The following CDH18 variants were observed in gnomAD, a reference collection of about 807,000 sequenced individuals.
CDH18 encodes cadherin-18.
CDH18 carries 31 observed loss-of-function variants against 67.9 expected under a neutral mutation model. The ratio of observed to expected loss-of-function variants is 0.46; its 90% CI spans 0.34 to 0.62. The LOEUF (loss-of-function observed/expected upper bound fraction) is 0.62. Among genes scored for constraint, CDH18 ranks in the 20% least tolerant of loss-of-function variants. The pLI, the probability that CDH18 is intolerant of heterozygous loss-of-function variation, is 0.01. For synonymous variants in CDH18, 362 were observed against 347.2 expected (o/e 1.04, Z -0.48); for missense variants, 890 against 975.5 (o/e 0.91, Z 1.17).
At chr5:20,542,826 A>T (rs1757129143) in intron 1 of CDH18, among the ~76,000 whole-genome samples, 1 of 151,980 alleles carries the variant, frequency 6.6e-6, no homozygotes, top group Admixed American at 6.6e-5. Context: ...ACATTATTGT[A>T]CTAATTCTCC....
chr5:20,524,216 A>G (rs1378036454), intron 1 of CDH18, among the ~76,000 whole-genome samples: 1 of 152,216 alleles, frequency 6.6e-6, no homozygotes, highest in Non-Finnish European at 1.5e-5. Context: ...ATTGTTTAAA[A>G]TCTTGTTTAA....
chr5:19,693,242 G>GTTAA (rs1481551993), intron 5 of CDH18, among the ~76,000 whole-genome samples: 1 of 151,946 alleles, frequency 6.6e-6, no homozygotes, highest in Non-Finnish European at 1.5e-5. Context: ...CAGAGGCTTG[G>GTTAA]TTAATTATAG....
At chr5:19,812,960 A>G (rs1432905179) in intron 3 of CDH18, among the ~76,000 whole-genome samples, 1 of 152,218 alleles carries the variant, frequency 6.6e-6, no homozygotes, top group African/African-American at 2.4e-5. Flanking sequence ...ATATGCAGCC[A>G]TGAAAAAGGA....
intron 3 of CDH18, among the ~76,000 whole-genome samples, chr5:19,783,196 A>G (rs1035948330): frequency 1.3e-5 from 2 of 152,130 alleles, no homozygotes; most frequent in African/African-American, 4.8e-5. Flanking sequence ...ATTATGTAAC[A>G]CGAGGCAAGA....
intron 5 of CDH18, among the ~76,000 whole-genome samples, chr5:19,660,051 T>G (rs1420448947): frequency 1.3e-5 from 2 of 152,094 alleles, no homozygotes; most frequent in Non-Finnish European, 2.9e-5. Flanking sequence ...TCAACATGGA[T>G]AAAAATAAAC....
intron 1 of CDH18, among the ~76,000 whole-genome samples, chr5:20,434,407 T>G: frequency 6.6e-6 from 1 of 151,944 alleles, no homozygotes; most frequent in East Asian, 1.9e-4. Flanking sequence ...ATCTGGAAAA[T>G]ACATTCCCTG....
intron 5 of CDH18, among the ~76,000 whole-genome samples, chr5:19,651,279 A>C (rs1257472420): frequency 2.0e-5 from 3 of 152,068 alleles, no homozygotes; most frequent in Non-Finnish European, 4.4e-5. Context: ...TAAATTTAAA[A>C]ATTTCAGAAA....
intron 2 of CDH18, among the ~76,000 whole-genome samples, chr5:20,043,156 A>G (rs1483302135): frequency 2.0e-5 from 3 of 152,058 alleles, no homozygotes; most frequent in Non-Finnish European, 1.5e-5. Context: ...CAGTAATGTC[A>G]ATCAGTAATG....
chr5:19,752,813 G>A (rs1011208733), intron 3 of CDH18, among the ~76,000 whole-genome samples: 4 of 152,160 alleles, frequency 2.6e-5, no homozygotes, highest in South Asian at 2.1e-4. Flanking sequence ...ACAGGTGCTG[G>A]TATTCATGGC....
At chr5:20,374,738 A>G (rs1743275273) in intron 1 of CDH18, among the ~76,000 whole-genome samples, 1 of 152,220 alleles carries the variant, frequency 6.6e-6, no homozygotes, top group Non-Finnish European at 1.5e-5. Flanking sequence ...TCTTTCACAA[A>G]TAATTGTAAT....
intron 6 of CDH18, among the ~76,000 whole-genome samples, chr5:19,591,606 A>G (rs1163751883): frequency 2.6e-5 from 4 of 152,074 alleles, no homozygotes; most frequent in Non-Finnish European, 5.9e-5. Flanking sequence ...TCTTCCACCC[A>G]TCGTAAATGT....
intron 1 of CDH18, among the ~76,000 whole-genome samples, chr5:20,499,093 A>G (rs905780362): frequency 3.3e-5 from 5 of 151,918 alleles, no homozygotes; most frequent in African/African-American, 1.2e-4. Context: ...TGAACAAACT[A>G]AACTATATAT....
rs111282443 is a variant in CDH18, at chr5:20,277,508, C to G, written c.-579-22003G>C. 5.5e-3 allele frequency among the ~76,000 whole-genome samples: 836 copies of G among 152,212 alleles called. 9 individuals carry two copies. The highest frequency in any genetic ancestry group is 0.019 in the African/African-American group (804 of 41,550). ...GACCAGAAACTTAGATTACAACACCCAAGTCCCTTTGAATACCTGGAAAGC... is the reference window on the plus strand; with the variant it reads ...GACCAGAAACTTAGATTACAACACCGAAGTCCCTTTGAATACCTGGAAAGC... On this transcript the variant is annotated intron_variant, in intron 1 of 14. Transcript: ENST00000507958.
intron 1 of CDH18, among the ~76,000 whole-genome samples, chr5:20,361,466 T>C (rs768312268): frequency 1.3e-5 from 2 of 152,120 alleles, no homozygotes; most frequent in African/African-American, 2.4e-5. Context: ...AATATTAAGC[T>C]AATTATTCAC....
intron 10 of CDH18, among the ~76,000 whole-genome samples, chr5:19,519,680 TGCAGG>T (rs2126893272): frequency 1.3e-5 from 2 of 152,318 alleles, no homozygotes; most frequent in South Asian, 4.1e-4. Context: ...CTGTTTTGCC[TGCAGG>T]CTTGCTCCTC....
chr5:19,593,941 T>C (rs897346460), intron 6 of CDH18, among the ~76,000 whole-genome samples: 1 of 151,946 alleles, frequency 6.6e-6, no homozygotes, highest in Non-Finnish European at 1.5e-5. Context: ...TATTATTGCC[T>C]GGGATTTGCA....
At chr5:20,056,736 T>C (rs1236222127) in intron 2 of CDH18, among the ~76,000 whole-genome samples, 3 of 134,492 alleles carry the variant, frequency 2.2e-5, no homozygotes, top group Non-Finnish European at 3.1e-5. Context: ...CAGGCTGGAG[T>C]GCGGTGGTGC....
intron 1 of CDH18, among the ~76,000 whole-genome samples, chr5:20,467,712 A>G (rs914731686): frequency 5.9e-5 from 9 of 152,198 alleles, no homozygotes; most frequent in African/African-American, 2.2e-4. Flanking sequence ...TAAGTGGCTG[A>G]ATGGATGTGG....
intron 1 of CDH18, among the ~76,000 whole-genome samples, chr5:20,313,121 A>G (rs1351581719): frequency 6.6e-6 from 1 of 151,060 alleles, no homozygotes; most frequent in Admixed American, 6.6e-5. Flanking sequence ...TCCCTGCTTA[A>G]CTTCAATGAA....
Sources: gnomAD v4.1 joint callset for allele counts (sites outside exome capture counted in the v4.1 genomes callset) on GRCh38, gnomAD v4.1.1 for gene constraint, MANE v1.5 for transcripts, NCBI Gene and HGNC (gene_info 2026-07-23, HGNC 2026-07-21) for gene names.